TMBIM1: variants seen among roughly 807,000 people sequenced by gnomAD.
The protein encoded by TMBIM1 is protein lifeguard 3.
Under a neutral mutation model 45.1 loss-of-function variants are expected in TMBIM1, and 34 were observed. That is an observed-to-expected ratio of 0.75 (90% CI 0.57 to 1.00). The LOEUF (loss-of-function observed/expected upper bound fraction) is 1.00, where lower values mean the gene tolerates loss of function less well. Ranked by LOEUF, TMBIM1 falls within the 50% of genes least tolerant of loss-of-function variation. The probability of loss-of-function intolerance (pLI) is 0.00; values close to 1 mark genes in which losing one functional copy is unlikely to be tolerated. For missense variants in TMBIM1, 374 were observed against 402.4 expected (o/e 0.93, Z 0.60); for synonymous variants, 157 against 153.5 (o/e 1.02, Z -0.17).
intron 1 of TMBIM1, among the ~76,000 whole-genome samples, chr2:218,284,934 A>G (rs560263502): frequency 1.5e-4 from 23 of 152,270 alleles, no homozygotes; most frequent in Admixed American, 1.3e-3. Flanking sequence ...TACTAAAAAT[A>G]TAAAAATTAG....
chr2:218,275,037 G>C lies in TMBIM1; in HGVS notation c.*438C>G, dbSNP rs1469879381. 2 of 155,186 alleles carry C rather than the reference G, an allele frequency of 1.3e-5. No homozygotes were observed. The highest frequency in any genetic ancestry group is 2.9e-5 in the Non-Finnish European group (2 of 69,810). 9.6% of individuals were successfully genotyped at this position (155,186 alleles called of 1,614,324 possible). A position where few individuals can be genotyped will look rare whatever the true frequency, so the allele number is the denominator to read the frequency against. ...GCCGGGGACAAAGCTCTCTGGCTTT[G>C]CTGGGGGAAGAAATAGCTCCAACTA... is the stretch of plus-strand genomic sequence containing the variant. On this transcript the variant is annotated 3_prime_UTR_variant, in exon 12 of 12. Transcript: ENST00000258412.
At chr2:218,289,634 A>AAAC (rs1553662523) in intron 1 of TMBIM1, among the ~76,000 whole-genome samples, 4 of 150,874 alleles carry the variant, frequency 2.7e-5, no homozygotes, top group South Asian at 2.1e-4. Flanking sequence ...AGAAAAAAAA[A>AAAC]AAAAAAAAAA....
At chr2:218,282,695 GGAA>G (rs991348528) in intron 1 of TMBIM1, among the ~76,000 whole-genome samples, 1 of 152,200 alleles carries the variant, frequency 6.6e-6, no homozygotes, top group Non-Finnish European at 1.5e-5. Flanking sequence ...GAGAGCCGGG[GGAA>G]GAAGTGGAGG....
At chr2:218,285,473 C>T (rs1171517696) in intron 1 of TMBIM1, among the ~76,000 whole-genome samples, 1 of 152,196 alleles carries the variant, frequency 6.6e-6, no homozygotes, top group Admixed American at 6.5e-5. Context: ...CTACTCAGGC[C>T]CTCCACACCA....
intron 1 of TMBIM1, among the ~76,000 whole-genome samples, chr2:218,289,625 GAAAAAAAAAAAA>G (rs10675061): frequency 2.3e-5 from 2 of 87,788 alleles, no homozygotes; most frequent in African/African-American, 9.0e-5. Flanking sequence ...CTGGGCGACA[GAAAAAAAAAAAA>G]AAAAAAAAAC....
At chr2:218,279,703 T>G (rs1290019267) in intron 3 of TMBIM1, among the ~76,000 whole-genome samples, 1 of 152,172 alleles carries the variant, frequency 6.6e-6, no homozygotes, top group African/African-American at 2.4e-5. Context: ...GCGAGTAGGA[T>G]CATTTCTGGC....
chr2:218,275,759 C>A, intron 11 of TMBIM1, 138 bp from the exon 12 acceptor site: 1 of 1,100,974 alleles, frequency 9.1e-7, no homozygotes, highest in Non-Finnish European at 1.3e-6. Flanking sequence ...AACATATGGG[C>A]TCTATACTGT....
At position 218,284,859 on chromosome 2, in the gene TMBIM1, G is replaced by C. The variant is rs183551026; in HGVS notation, c.-40-2678C>G. Among the ~76,000 whole-genome samples the C allele has an allele frequency of 1.6e-3, 248 of 152,346 alleles. 1 individual carries two copies. The highest frequency in any genetic ancestry group is 3.0e-3 in the Non-Finnish European group (205 of 68,040). The stretch of plus-strand genomic sequence containing the variant: ...TAATCTCAACACTTTGAGAGGCCGA[G>C]GCAGGTGGATCACCTGAGATCAGGA... On this transcript the variant is annotated intron_variant, in intron 1 of 11. Coordinates refer to ENST00000258412, the MANE Select transcript of TMBIM1 (RefSeq NM_022152.6).
rs1691483472 is a variant in TMBIM1 at position 218,278,408 on chromosome 2, TG to T, written c.473+106del. ...CATCGTCATCCTCCTCCTCATTTCT[TG>T]TAAGTTTCCATTCAGCTGCTATAAA... On this transcript the variant is annotated intron_variant, in intron 6 of 11. Coordinates refer to ENST00000258412, the MANE Select transcript of TMBIM1 (RefSeq NM_022152.6). 4.4e-5 allele frequency: 52 copies of T among 1,176,190 alleles called. 1 individual carries two copies. In the South Asian group the frequency reaches 6.3e-4, roughly 14 times the overall value. The allele number at this position is 1,176,190 out of a possible 1,614,324, so 72.9% of individuals were successfully genotyped here.
At chr2:218,276,456 A>C (rs1372381427) in intron 10 of TMBIM1, among the ~76,000 whole-genome samples, 1 of 151,992 alleles carries the variant, frequency 6.6e-6, no homozygotes, top group Non-Finnish European at 1.5e-5. Context: ...AGGCCCCCCA[A>C]CCCCTCTGGT....
At chr2:218,277,509 C>A in intron 8 of TMBIM1, 56 bp from the exon 9 acceptor site, 2 of 1,609,008 alleles carry the variant, frequency 1.2e-6, no homozygotes. Flanking sequence ...TGAATGACTT[C>A]AAAATCACCA....
chr2:218,287,814 C>A (rs1411550341), intron 1 of TMBIM1, among the ~76,000 whole-genome samples: 2 of 152,096 alleles, frequency 1.3e-5, no homozygotes, highest in African/African-American at 2.4e-5. Context: ...CCATGGAGAC[C>A]GAGGGGTGGC....
At chr2:218,282,241 T>C in intron 1 of TMBIM1, 60 bp from the exon 2 acceptor site, 1 of 1,007,676 alleles carries the variant, frequency 9.9e-7, no homozygotes, top group Non-Finnish European at 1.4e-6. Flanking sequence ...CTCAGCCTCA[T>C]GGGCCCACTT....
Position 218,280,315 on chromosome 2 carries a change from G to A in TMBIM1, c.203-189C>T, listed in dbSNP as rs915014259. 10 of 551,706 alleles carry A rather than the reference G, an allele frequency of 1.8e-5. No homozygotes were observed. The African/African-American group carries it at 1.9e-4, about 11-fold the overall frequency. 34.2% of individuals were successfully genotyped at this position (551,706 alleles called of 1,614,324 possible). On this transcript the variant is annotated intron_variant, in intron 2 of 11. Coordinates refer to ENST00000258412, the MANE Select transcript of TMBIM1 (RefSeq NM_022152.6). Reference sequence around the variant, plus strand: ...GACCCAGAGCCGGCCTGTCACGAGGGGGCTTAGGTGGGAAACGTTCCTCAC... The same window carrying A: ...GACCCAGAGCCGGCCTGTCACGAGGAGGCTTAGGTGGGAAACGTTCCTCAC...
chr2:218,278,177 C>T lies in TMBIM1; in HGVS notation c.474-203G>A, dbSNP rs146961374. On this transcript the variant is annotated intron_variant, in intron 6 of 11. Coordinates refer to ENST00000258412, the MANE Select transcript of TMBIM1 (RefSeq NM_022152.6). ...CCAATGAGACAGACCTGTGTTGTGG[C>T]GCCAGAAACACCTGGATTGGTTTGC... 270 of 624,356 alleles carry T rather than the reference C, an allele frequency of 4.3e-4. 1 individual carries two copies. The East Asian group carries it at 6.6e-3, about 15-fold the overall frequency. The allele number at this position is 624,356 out of a possible 1,614,324, so 38.7% of individuals were successfully genotyped here.
rs766742640 is a variant in TMBIM1 at position 218,277,463 on chromosome 2, A to C, written c.552-10T>G. 4 of 1,614,020 alleles carry C rather than the reference A, an allele frequency of 2.5e-6. No homozygotes were observed. Among genetic ancestry groups the C allele is most frequent in the Non-Finnish European group, 3.4e-6 (4 of 1,179,906 alleles). On this transcript the variant is annotated splice_polypyrimidine_tract_variant and intron_variant, in intron 8 of 11. Coordinates refer to ENST00000258412, the MANE Select transcript of TMBIM1 (RefSeq NM_022152.6). ...TTTGGTTTGGTACATACTGGGGAGAAGCAGGAGTTACAGACAAGAGGCATT... is the reference window on the plus strand; with the variant it reads ...TTTGGTTTGGTACATACTGGGGAGACGCAGGAGTTACAGACAAGAGGCATT...
At position 218,277,801 on chromosome 2, in the gene TMBIM1, A is replaced by G. The variant is rs1574630085; in HGVS notation, c.514-131T>C. The G allele has an allele frequency of 3.3e-6, 5 of 1,537,498 alleles. No individual in the cohort carries two copies. The East Asian group carries it at 9.1e-5, about 28-fold the overall frequency. On this transcript the variant is annotated intron_variant, in intron 7 of 11. Transcript: ENST00000258412. ...AGTTGGAAAGAGGCAGCCACAGAGG[A>G]GATCAGAACAGGCGGCCCAGATAAG...
At position 218,290,494 on chromosome 2, in the gene TMBIM1, CAG is replaced by C. The variant is rs879899083; in HGVS notation, c.-41+1970_-41+1971del. 1.7e-4 allele frequency among the ~76,000 whole-genome samples: 26 copies of C among 152,218 alleles called. 1 individual carries two copies. Among genetic ancestry groups the C allele is most frequent in the Non-Finnish European group, 3.7e-4 (25 of 68,038 alleles). On this transcript the variant is annotated intron_variant, in intron 1 of 11. Transcript: ENST00000258412. ...AGTACTAGACATGCCCTCTCACTCT[CAG>C]GGGGTCAGCCCAGTGCCAGGATCTC...
intron 6 of TMBIM1, 126 bp from the exon 7 acceptor site, chr2:218,278,100 T>G (rs189349414): frequency 9.1e-7 from 1 of 1,100,986 alleles, no homozygotes; most frequent in Non-Finnish European, 1.3e-6. Context: ...AGGAGGGAGG[T>G]TGGCATGGCC....
Sources: gnomAD v4.1 joint callset for allele counts (sites outside exome capture counted in the v4.1 genomes callset) on GRCh38, gnomAD v4.1.1 for gene constraint, MANE v1.5 for transcripts, NCBI Gene and HGNC (gene_info 2026-07-23, HGNC 2026-07-21) for gene names.